Variants in GABRG3 observed in about 807,000 individuals in gnomAD.
The protein encoded by GABRG3 is gamma-aminobutyric acid receptor subunit gamma-3.
In GABRG3, 25 loss-of-function variants were observed where a neutral mutation model predicts 48.8. The observed-to-expected ratio is 0.51, with a 90% CI of 0.37 to 0.72. The LOEUF (loss-of-function observed/expected upper bound fraction) is 0.72. Ranked by LOEUF, GABRG3 falls within the 30% of genes least tolerant of loss-of-function variation. The pLI, the probability that GABRG3 is intolerant of heterozygous loss-of-function variation, is 0.00. For missense variants in GABRG3, 394 were observed against 577.9 expected (o/e 0.68, Z 3.26); for synonymous variants, 227 against 217.6 (o/e 1.04, Z -0.38).
At chr15:27,027,102 A>G (rs1273903690) in intron 3 of GABRG3, 1 of 301,782 alleles carries the variant, frequency 3.3e-6, no homozygotes, top group African/African-American at 2.2e-5. Flanking sequence ...CACTCAGATT[A>G]TACTTTTGTC....
chr15:27,265,361 C>G (rs1284669132), intron 3 of GABRG3, among the ~76,000 whole-genome samples: 1 of 152,186 alleles, frequency 6.6e-6, no homozygotes, highest in Non-Finnish European at 1.5e-5. Flanking sequence ...TAAATACTCT[C>G]ATAACAACCA....
At chr15:27,378,163 G>T (rs1180557696) in intron 5 of GABRG3, among the ~76,000 whole-genome samples, 2 of 152,012 alleles carry the variant, frequency 1.3e-5, no homozygotes. Flanking sequence ...TAGGCTCCAG[G>T]TGAGAGTTAT....
At position 27,157,266 on chromosome 15, in the gene GABRG3, G is replaced by A. The variant is rs553323202; in HGVS notation, c.270+130445G>A. On this transcript the variant is annotated intron_variant, in intron 3 of 9. Transcript: ENST00000615808. The stretch of plus-strand genomic sequence containing the variant: ...TGCAAACTCATAAGATTTATCTAGC[G>A]TTAAACAAATCCTTAGGGCACTGGA... 1.1e-4 allele frequency among the ~76,000 whole-genome samples: 16 copies of A among 152,214 alleles called. 1 individual carries two copies. In the South Asian group the frequency reaches 1.9e-3, roughly 18 times the overall value.
At chr15:27,426,340 G>GA (rs1446786120) in intron 5 of GABRG3, among the ~76,000 whole-genome samples, 2 of 151,864 alleles carry the variant, frequency 1.3e-5, no homozygotes, top group Non-Finnish European at 2.9e-5. Flanking sequence ...GGGCATGAAG[G>GA]AAAAAAAGAG....
intron 3 of GABRG3, among the ~76,000 whole-genome samples, chr15:27,206,050 C>T (rs1888841977): frequency 6.6e-6 from 1 of 151,882 alleles, no homozygotes; most frequent in African/African-American, 2.4e-5. Flanking sequence ...TAAGCCATTT[C>T]GTTCACTTCA....
chr15:27,539,045 A>G lies in GABRG3; in HGVS notation c.*6164A>G, dbSNP rs1441233248. On this transcript the variant is annotated 3_prime_UTR_variant, in exon 10 of 10. Transcript: ENST00000615808. The stretch of plus-strand genomic sequence containing the variant: ...CCATTTTTTGTTAAACGTTTTTCCA[A>G]TACATAGCAATGTGTAAAATAGACT... The G allele has an allele frequency of 1.3e-5, 2 of 152,146 alleles. No individual in the cohort carries two copies. Among genetic ancestry groups the G allele is most frequent in the Admixed American group, 1.3e-4 (2 of 15,250 alleles). The allele number at this position is 152,146 out of a possible 1,614,324, so 9.4% of individuals were successfully genotyped here. A position where few individuals can be genotyped will look rare whatever the true frequency, so the allele number is the denominator to read the frequency against.
At chr15:27,424,656 C>T (rs1311665515) in intron 5 of GABRG3, among the ~76,000 whole-genome samples, 1 of 151,224 alleles carries the variant, frequency 6.6e-6, no homozygotes, top group Non-Finnish European at 1.5e-5. Context: ...CAGGTTCAAG[C>T]AATTCTCCTG....
chr15:27,261,897 CCCTGT>C (rs1241820451), intron 3 of GABRG3, among the ~76,000 whole-genome samples: 4,434 of 152,248 alleles, frequency 0.029, 210 homozygotes, highest in African/African-American at 0.1. Flanking sequence ...CTGTTATTTT[CCCTGT>C]AAGCCTCTGG....
intron 5 of GABRG3, among the ~76,000 whole-genome samples, chr15:27,424,118 G>C (rs1350755099): frequency 6.6e-6 from 1 of 152,000 alleles, no homozygotes. Flanking sequence ...GGAATGTCCT[G>C]CTTGATGAGA....
intron 6 of GABRG3, chr15:27,481,041 C>G (rs1890089867): frequency 1.6e-6 from 2 of 1,286,760 alleles, no homozygotes; most frequent in African/African-American, 1.5e-5. Flanking sequence ...ATAAACTTAA[C>G]CTAACTCATT....
intron 6 of GABRG3, among the ~76,000 whole-genome samples, chr15:27,501,168 G>A (rs535813535): frequency 6.1e-4 from 92 of 152,052 alleles, no homozygotes; most frequent in Non-Finnish European, 1.2e-3. Flanking sequence ...AACCAGGATG[G>A]TCTCGATCTC....
intron 3 of GABRG3, among the ~76,000 whole-genome samples, chr15:27,095,799 C>T (rs548424346): frequency 2.9e-4 from 44 of 152,244 alleles, no homozygotes; most frequent in African/African-American, 9.9e-4. Flanking sequence ...GTGCCTTCCT[C>T]CTGGCTCTGC....
chr15:27,301,667 A>C (rs1314525017), intron 3 of GABRG3, among the ~76,000 whole-genome samples: 1 of 152,024 alleles, frequency 6.6e-6, no homozygotes, highest in Non-Finnish European at 1.5e-5. Flanking sequence ...TTTATTTAAA[A>C]ATATAAAACA....
At chr15:27,192,821 T>C (rs1888365730) in intron 3 of GABRG3, among the ~76,000 whole-genome samples, 1 of 152,176 alleles carries the variant, frequency 6.6e-6, no homozygotes. Flanking sequence ...GGTTTTCTGC[T>C]CTGTTTTTTC....
intron 2 of GABRG3, among the ~76,000 whole-genome samples, chr15:27,023,210 C>G (rs1027272202): frequency 4.6e-5 from 7 of 152,190 alleles, no homozygotes; most frequent in Non-Finnish European, 7.3e-5. Context: ...TGCTTTCTTT[C>G]ACTCAGAAAA....
chr15:27,002,186 A>T (rs780465905), intron 2 of GABRG3, among the ~76,000 whole-genome samples: 3 of 152,220 alleles, frequency 2.0e-5, no homozygotes, highest in Non-Finnish European at 4.4e-5. Context: ...CACTCATTGT[A>T]TAACTGTAAT....
intron 3 of GABRG3, among the ~76,000 whole-genome samples, chr15:27,146,806 A>G (rs1898217996): frequency 6.6e-6 from 1 of 152,286 alleles, no homozygotes; most frequent in Admixed American, 6.5e-5. Context: ...AGTAAAAGAA[A>G]GGACAAGGGG....
chr15:27,358,116 C>T (rs545644244), intron 5 of GABRG3, among the ~76,000 whole-genome samples: 4 of 152,210 alleles, frequency 2.6e-5, no homozygotes, highest in Admixed American at 1.3e-4. Flanking sequence ...ACGAGCTTTC[C>T]AAAATTCCAA....
intron 6 of GABRG3, among the ~76,000 whole-genome samples, chr15:27,501,262 T>G (rs951508758): frequency 3.9e-5 from 6 of 152,148 alleles, no homozygotes; most frequent in Non-Finnish European, 7.4e-5. Flanking sequence ...AAGTAATGTA[T>G]GTTTCTAAAT....
Sources: allele counts gnomAD v4.1 joint callset (sites outside exome capture counted in the v4.1 genomes callset), GRCh38; gene constraint gnomAD v4.1.1; transcripts MANE v1.5; gene names NCBI Gene and HGNC (gene_info 2026-07-23, HGNC 2026-07-21).